The following GPC6 variants were observed in gnomAD, a reference collection of about 807,000 sequenced individuals.
GPC6 encodes glypican-6.
GPC6 carries 14 observed loss-of-function variants against 55.2 expected under a neutral mutation model. The ratio of observed to expected loss-of-function variants is 0.25; its 90% confidence interval spans 0.17 to 0.40. GPC6 has a LOEUF of 0.40. Among genes scored for constraint, GPC6 ranks in the 10% least tolerant of loss-of-function variants. The probability of loss-of-function intolerance (pLI) is 1.00; values close to 1 mark genes in which losing one functional copy is unlikely to be tolerated. For synonymous variants in GPC6, 278 were observed against 259.6 expected (o/e 1.07, Z -0.68); for missense variants, 641 against 708.5 (o/e 0.90, Z 1.08).
intron 1 of GPC6, among the ~76,000 whole-genome samples, chr13:93,267,537 C>A (rs1877365993): frequency 6.6e-6 from 1 of 152,038 alleles, no homozygotes; most frequent in Admixed American, 6.6e-5. Flanking sequence ...TTTGCCCTTA[C>A]CTTTGATGTT....
intron 1 of GPC6, among the ~76,000 whole-genome samples, chr13:93,487,353 ATCT>A (rs1237839093): frequency 3.9e-5 from 6 of 152,106 alleles, no homozygotes; most frequent in South Asian, 4.1e-4. Flanking sequence ...ATTTTTCCTA[ATCT>A]TCTCCCTTCT....
At chr13:94,330,660 G>A (rs556574809) in intron 6 of GPC6, among the ~76,000 whole-genome samples, 2 of 152,238 alleles carry the variant, frequency 1.3e-5, no homozygotes, top group Admixed American at 1.3e-4. Context: ...GTGATTCGTA[G>A]GTACATCATG....
At chr13:93,625,877 T>C (rs1879180273) in intron 2 of GPC6, among the ~76,000 whole-genome samples, 1 of 152,204 alleles carries the variant, frequency 6.6e-6, no homozygotes, top group Non-Finnish European at 1.5e-5. Flanking sequence ...ACAGCCTGTA[T>C]TTTTAGGAAG....
intron 6 of GPC6, among the ~76,000 whole-genome samples, chr13:94,325,902 A>G (rs1333745728): frequency 6.6e-6 from 1 of 152,188 alleles, no homozygotes. Context: ...AGAAGCTCTG[A>G]CCATGACCTC....
intron 1 of GPC6, among the ~76,000 whole-genome samples, chr13:93,396,926 C>G (rs1875881412): frequency 6.6e-6 from 1 of 152,086 alleles, no homozygotes; most frequent in Non-Finnish European, 1.5e-5. Context: ...AACTTTTCAT[C>G]CTACATTTTC....
At chr13:93,846,974 G>A (rs1458002637) in intron 3 of GPC6, among the ~76,000 whole-genome samples, 3 of 152,126 alleles carry the variant, frequency 2.0e-5, no homozygotes, top group Non-Finnish European at 4.4e-5. Context: ...AACTCTTGTG[G>A]ATGATTATTC....
chr13:94,049,597 C>G (rs1287515613), intron 4 of GPC6, among the ~76,000 whole-genome samples: 1 of 152,102 alleles, frequency 6.6e-6, no homozygotes, highest in East Asian at 1.9e-4. Context: ...TCCTGCACTG[C>G]TCTTGCCGCA....
chr13:93,880,874 G>A (rs2140309707), intron 3 of GPC6, among the ~76,000 whole-genome samples: 1 of 113,442 alleles, frequency 8.8e-6, no homozygotes, highest in South Asian at 2.7e-4. Context: ...AAATAAAATA[G>A]CCTTTGCAAC....
At chr13:93,494,455 G>C (rs994561722) in intron 1 of GPC6, among the ~76,000 whole-genome samples, 1 of 152,006 alleles carries the variant, frequency 6.6e-6, no homozygotes, top group African/African-American at 2.4e-5. Flanking sequence ...ACAGCACACT[G>C]ATGGGTCTTG....
intron 4 of GPC6, among the ~76,000 whole-genome samples, chr13:94,043,763 T>C (rs1594690575): frequency 6.6e-6 from 1 of 151,916 alleles, no homozygotes; most frequent in South Asian, 2.1e-4. Flanking sequence ...TGCTAACCCA[T>C]ACTCCTTTAA....
At chr13:93,820,568 G>T (rs1246743802) in intron 2 of GPC6, among the ~76,000 whole-genome samples, 1 of 150,834 alleles carries the variant, frequency 6.6e-6, no homozygotes, top group Non-Finnish European at 1.5e-5. Context: ...GATGTTAAAA[G>T]ATAGTTTAAA....
chr13:93,895,096 C>T (rs1458486429), intron 3 of GPC6, among the ~76,000 whole-genome samples: 2 of 146,846 alleles, frequency 1.4e-5, no homozygotes, highest in Non-Finnish European at 3.0e-5. Context: ...CCATATATGT[C>T]TATATATATA....
intron 1 of GPC6, among the ~76,000 whole-genome samples, chr13:93,288,996 A>C (rs1389585212): frequency 6.6e-6 from 1 of 152,188 alleles, no homozygotes; most frequent in Admixed American, 6.5e-5. Context: ...TGAAATGAGA[A>C]TCTGAATATG....
chr13:93,843,999 T>C (rs559166152), intron 3 of GPC6, among the ~76,000 whole-genome samples: 1 of 152,268 alleles, frequency 6.6e-6, no homozygotes, highest in Admixed American at 6.5e-5. Context: ...GTACACAATA[T>C]GTTAAATATT....
intron 3 of GPC6, among the ~76,000 whole-genome samples, chr13:93,964,076 AC>A (rs1879909889): frequency 6.6e-6 from 1 of 152,140 alleles, no homozygotes. Context: ...TACCAAAGAA[AC>A]AATGCTTGTA....
chr13:93,270,522 A>G (rs1205629092), intron 1 of GPC6, among the ~76,000 whole-genome samples: 2 of 152,146 alleles, frequency 1.3e-5, no homozygotes, highest in East Asian at 3.9e-4. Flanking sequence ...TACCTGGAAC[A>G]TGTTTTCTCC....
intron 2 of GPC6, among the ~76,000 whole-genome samples, chr13:93,814,995 A>G (rs1180711860): frequency 2.0e-5 from 3 of 152,174 alleles, no homozygotes; most frequent in African/African-American, 7.2e-5. Context: ...ACCAAAAAAC[A>G]AAAGACTGCT....
At chr13:93,524,865 C>T (rs1181241986) in intron 1 of GPC6, among the ~76,000 whole-genome samples, 9 of 152,070 alleles carry the variant, frequency 5.9e-5, no homozygotes, top group Non-Finnish European at 1.0e-4. Flanking sequence ...GTATGTACCT[C>T]GCCATGTGTT....
chr13:93,941,329 G>T (rs570524846), intron 3 of GPC6, among the ~76,000 whole-genome samples: 1 of 152,230 alleles, frequency 6.6e-6, no homozygotes, highest in African/African-American at 2.4e-5. Context: ...TTAGTAAAAT[G>T]CTGTGCATGG....
Sources: allele counts gnomAD v4.1 joint callset (sites outside exome capture counted in the v4.1 genomes callset), GRCh38; gene constraint gnomAD v4.1.1; transcripts MANE v1.5; gene names NCBI Gene and HGNC (gene_info 2026-07-23, HGNC 2026-07-21).